UTP20: variants seen among roughly 807,000 people sequenced by gnomAD.
UTP20 encodes the protein small subunit processome component 20 homolog.
UTP20 carries 164 observed loss-of-function variants against 329.5 expected under a neutral mutation model. That is an observed-to-expected ratio of 0.50 (90% CI 0.44 to 0.57). The LOEUF is 0.57. Ranked by LOEUF, UTP20 falls within the 20% of genes least tolerant of loss-of-function variation. UTP20 has a pLI of 0.00. For missense variants in UTP20, 3,055 were observed against 3,284.2 expected (o/e 0.93, Z 1.71); for synonymous variants, 1,151 against 1,159.3 (o/e 0.99, Z 0.14).
In UTP20 at chr12:101,329,260, C is replaced by A; in HGVS notation, c.3228C>A (p.Val1076=). The A allele has an allele frequency of 6.2e-7, 1 of 1,614,130 alleles. No homozygotes were observed. Among genetic ancestry groups the A allele is most frequent in the South Asian group, 1.1e-5 (1 of 91,066 alleles). The change falls in exon 27 of 62, where the codon GTC becomes GTA. Residue 1076 remains valine, a synonymous_variant. Coordinates refer to ENST00000261637, the MANE Select transcript of UTP20 (RefSeq NM_014503.3). ...CACTAGGAGAGTGCCATTCTGCAGT[C>A]ATTCAAGCAGTAGAAGACTTGGATT... ...HFKNGECHSA[V]IQAVEDLDLS...
intron 45 of UTP20, among the ~76,000 whole-genome samples, chr12:101,365,072 T>TTGTGTGTGTGTGTGTGTG (rs60890980): frequency 2.9e-4 from 41 of 142,008 alleles, no homozygotes; most frequent in African/African-American, 9.0e-4. Flanking sequence ...ATTTTGTTGA[T>TTGTGTGTGTGTGTGTGTG]TGTGTGTGTG....
intron 41 of UTP20, among the ~76,000 whole-genome samples, chr12:101,355,553 A>G (rs1054901167): frequency 5.3e-5 from 8 of 152,210 alleles, no homozygotes; most frequent in African/African-American, 1.9e-4. Context: ...CGGGTTGGCC[A>G]ACTATGGCTC....
chr12:101,292,065 T>C lies in UTP20; in HGVS notation c.1134T>C (p.Val378=). 1 of 1,614,120 alleles carries C rather than the reference T, an allele frequency of 6.2e-7. No homozygotes were observed. The highest frequency in any genetic ancestry group is 8.5e-7 in the Non-Finnish European group (1 of 1,180,024). Residue 378 remains valine, a synonymous_variant, in exon 10 of 62, where the codon GTT becomes GTC. Transcript: ENST00000261637. The part of the protein sequence containing the change: ...VISALILGEN[V]SLPETLIKET... Reference sequence around the variant, plus strand: ...CTGCTTTGATCCTGGGTGAAAATGTTTCCTTGCCGGAGACCCTCATCAAAG... The same window carrying C: ...CTGCTTTGATCCTGGGTGAAAATGTCTCCTTGCCGGAGACCCTCATCAAAG...
At chr12:101,338,416 A>G (rs1869008141) in intron 30 of UTP20, 139 bp downstream of exon 30, 1 of 777,588 alleles carries the variant, frequency 1.3e-6, no homozygotes, top group Non-Finnish European at 2.0e-6. Flanking sequence ...AACTAATACT[A>G]ATTTATATAA....
At chr12:101,348,048 C>CT (rs1364950303) in intron 38 of UTP20, among the ~76,000 whole-genome samples, 1 of 152,198 alleles carries the variant, frequency 6.6e-6, no homozygotes, top group Non-Finnish European at 1.5e-5. Flanking sequence ...AGGCTGGTCT[C>CT]TAACTACTGA....
At position 101,327,062 on chromosome 12, in the gene UTP20, T is replaced by C. The variant is rs773535887; in HGVS notation, c.3042-19T>C. On this transcript the variant is annotated intron_variant, in intron 25 of 61. Coordinates refer to ENST00000261637, the MANE Select transcript of UTP20 (RefSeq NM_014503.3). Reference sequence around the variant, plus strand: ...TTAGAATTAATGTGCAAACAAATAATGTGCTTTTGCCTTTTCAGAATTTTG... The same window carrying C: ...TTAGAATTAATGTGCAAACAAATAACGTGCTTTTGCCTTTTCAGAATTTTG... 2 of 1,576,734 alleles carry C rather than the reference T, an allele frequency of 1.3e-6. No individual in the cohort carries two copies. The highest frequency in any genetic ancestry group is 1.7e-5 in the Admixed American group (1 of 58,238).
chr12:101,318,436 G>C (rs1186036317), intron 22 of UTP20, among the ~76,000 whole-genome samples: 2 of 152,180 alleles, frequency 1.3e-5, no homozygotes, highest in African/African-American at 2.4e-5. Flanking sequence ...CTGGTGTGCA[G>C]AGATAAATTG....
chr12:101,353,439 G>C (rs1246950106), intron 40 of UTP20, among the ~76,000 whole-genome samples: 1 of 152,128 alleles, frequency 6.6e-6, no homozygotes, highest in Non-Finnish European at 1.5e-5. Context: ...GAAAGAAAGT[G>C]TAAGAAAATA....
intron 7 of UTP20, 86 bp from the exon 8 acceptor site, chr12:101,290,647 G>C: frequency 7.1e-7 from 1 of 1,408,402 alleles, no homozygotes. Context: ...TTTTAAGGTA[G>C]CTAATGTAAT....
At chr12:101,318,977 C>T (rs1161251885) in intron 22 of UTP20, among the ~76,000 whole-genome samples, 1 of 152,104 alleles carries the variant, frequency 6.6e-6, no homozygotes, top group Non-Finnish European at 1.5e-5. Flanking sequence ...GGCCAGCCTT[C>T]ATGTCACTAT....
Position 101,355,096 on chromosome 12 carries a change from T to C in UTP20, c.5372T>C (p.Leu1791Pro), listed in dbSNP as rs1203143200. ...GTITGDILPR[L>P]HKCLASTTKR... is the part of the protein sequence containing the mutation. Reference sequence around the variant, plus strand: ...ATAACCGGGGATATTCTCCCCAGGCTACATAAATGCCTTGCATCTACGGTA... The same window carrying C: ...ATAACCGGGGATATTCTCCCCAGGCCACATAAATGCCTTGCATCTACGGTA... The change falls in exon 41 of 62, where the codon CTA (leucine) becomes CCA (proline). Residue 1791 changes from leucine (L) to proline (P), a missense_variant. By Grantham distance (98) the Leu-to-Pro change is moderately conservative. Around this residue, in one of 3 missense-constraint regions of UTP20, gnomAD observed 2,445 missense variants for 2,575.5 expected, o/e 0.95. Coordinates refer to ENST00000261637, the MANE Select transcript of UTP20 (RefSeq NM_014503.3). 2.5e-6 allele frequency: 4 copies of C among 1,613,792 alleles called. No individual in the cohort carries two copies. The highest frequency in any genetic ancestry group is 3.4e-6 in the Non-Finnish European group (4 of 1,179,960).
chr12:101,371,206 G>A (rs1870276009), intron 51 of UTP20, 38 bp downstream of exon 51: 21 of 1,452,502 alleles, frequency 1.4e-5, no homozygotes, highest in East Asian at 2.4e-5. Context: ...CAAGGGCTGG[G>A]CCCTGCCGCA....
intron 58 of UTP20, among the ~76,000 whole-genome samples, chr12:101,381,888 G>A (rs777742122): frequency 1.3e-5 from 2 of 151,656 alleles, no homozygotes; most frequent in Non-Finnish European, 2.9e-5. Context: ...GCATGGTGGC[G>A]CATGCCTGTA....
At chr12:101,295,690 G>T in intron 12 of UTP20, 32 bp downstream of exon 12, 1 of 1,552,542 alleles carries the variant, frequency 6.4e-7, no homozygotes, top group East Asian at 2.3e-5. Context: ...CTGTAATGAT[G>T]ATAAGTTTAC....
chr12:101,303,905 C>T (rs993966634), intron 15 of UTP20, among the ~76,000 whole-genome samples: 1 of 152,186 alleles, frequency 6.6e-6, no homozygotes, highest in African/African-American at 2.4e-5. Context: ...AGGATTAGTT[C>T]TTTGACATCA....
intron 29 of UTP20, among the ~76,000 whole-genome samples, chr12:101,336,951 G>A (rs1465136147): frequency 2.6e-5 from 4 of 152,282 alleles, no homozygotes; most frequent in South Asian, 2.1e-4. Context: ...GACTTTACTC[G>A]CAGTTGAAAG....
At chr12:101,291,918 T>G (rs1565785617) in intron 9 of UTP20, 30 bp downstream of exon 9, 8 of 1,606,204 alleles carry the variant, frequency 5.0e-6, no homozygotes, top group Non-Finnish European at 6.8e-6. Context: ...TGCTCGAGAG[T>G]CTGGTTTTTA....
chr12:101,379,319 C>T, intron 56 of UTP20, 52 bp from the exon 57 acceptor site: 1 of 1,475,426 alleles, frequency 6.8e-7, no homozygotes, highest in South Asian at 1.4e-5. Flanking sequence ...TCATATTTAC[C>T]TCTAATCAGG....
intron 16 of UTP20, 129 bp downstream of exon 16, chr12:101,306,194 C>T: frequency 8.2e-7 from 1 of 1,218,794 alleles, no homozygotes. Context: ...AGCGATGATT[C>T]TTAAATGTTG....
Sources: gnomAD v4.1 joint callset for allele counts (sites outside exome capture counted in the v4.1 genomes callset) on GRCh38, gnomAD v4.1.1 for gene constraint, gnomAD v4.1.1 regional missense constraint, MANE v1.5 for transcripts, NCBI Gene and HGNC (gene_info 2026-07-23, HGNC 2026-07-21) for gene names.